B3GALT1: variants seen among roughly 807,000 people sequenced by gnomAD.
B3GALT1 encodes UDP-Gal:betaGlcNAc beta 1,3-galactosyltransferase, polypeptide 1.
B3GALT1 carries 10 observed loss-of-function variants against 23.2 expected under a neutral mutation model. The observed-to-expected ratio is 0.43, with a 90% CI of 0.27 to 0.73. The LOEUF (loss-of-function observed/expected upper bound fraction) is 0.73, where lower values mean the gene tolerates loss of function less well. B3GALT1 is among the 30% of genes least tolerant of loss of function. B3GALT1 has a pLI of 0.21. For synonymous variants in B3GALT1, 156 were observed against 141.5 expected, an observed-to-expected ratio of 1.10 and a Z score of -0.73; for missense variants, 299 against 405.4, an observed-to-expected ratio of 0.74 and a Z score of 2.25.
At chr2:167,762,952 A>C (rs16854131) in intron 3 of B3GALT1, among the ~76,000 whole-genome samples, 36,928 of 152,110 alleles carry the variant, frequency 0.24, 4,730 homozygotes, top group African/African-American at 0.3. Context: ...ATTCTGAAAC[A>C]GTTACCATTA....
In B3GALT1 at chr2:167,452,696, G is replaced by A. The variant is rs890006521; in HGVS notation, c.-510-37481G>A. The stretch of plus-strand genomic sequence containing the variant: ...TGCTCTGTTCATCCGAGTGGGAGCT[G>A]CCATTTAGTCCTGCCTTGTATCCAT... On this transcript the variant is annotated intron_variant, in intron 1 of 4. Coordinates refer to ENST00000392690, the MANE Select transcript of B3GALT1 (RefSeq NM_020981.4). Among the ~76,000 whole-genome samples the A allele has an allele frequency of 1.1e-4, 16 of 152,156 alleles. No individual in the cohort carries two copies. The South Asian group carries it at 2.5e-3, about 24-fold the overall frequency.
At position 167,363,165 on chromosome 2, in the gene B3GALT1, T is replaced by A. The variant is rs533175107; in HGVS notation, c.-511+69831T>A. On this transcript the variant is annotated intron_variant, in intron 1 of 4. Coordinates refer to ENST00000392690, the MANE Select transcript of B3GALT1 (RefSeq NM_020981.4). The stretch of plus-strand genomic sequence containing the variant: ...CCACCACGCCCGGCCTAAGGCTTTG[T>A]TTTCTTATTGTCTAGTATGCCAACT... 3.7e-3 allele frequency among the ~76,000 whole-genome samples: 561 copies of A among 151,708 alleles called. 1 individual carries two copies. Among genetic ancestry groups the A allele is most frequent in the Admixed American group, 6.5e-3 (98 of 15,178 alleles).
chr2:167,853,808 T>C (rs1297828865), intron 4 of B3GALT1, among the ~76,000 whole-genome samples: 1 of 152,136 alleles, frequency 6.6e-6, no homozygotes, highest in African/African-American at 2.4e-5. Flanking sequence ...TATGGTGGCC[T>C]ACTTTAAAAT....
chr2:167,701,337 G>A (rs1686879487), intron 3 of B3GALT1, among the ~76,000 whole-genome samples: 1 of 152,124 alleles, frequency 6.6e-6, no homozygotes. Flanking sequence ...AAGAGTCTTG[G>A]TGCTAGGTGT....
intron 2 of B3GALT1, among the ~76,000 whole-genome samples, chr2:167,510,669 T>G (rs997232262): frequency 6.6e-6 from 1 of 152,074 alleles, no homozygotes; most frequent in Admixed American, 6.6e-5. Context: ...GGTTTTCACC[T>G]GAAAAACAAG....
At chr2:167,644,262 C>G (rs1685705409) in intron 2 of B3GALT1, among the ~76,000 whole-genome samples, 1 of 152,016 alleles carries the variant, frequency 6.6e-6, no homozygotes, top group Non-Finnish European at 1.5e-5. Context: ...ATGTGTTTAA[C>G]TAAGGTGTTC....
At chr2:167,810,245 C>G (rs569066771) in intron 3 of B3GALT1, among the ~76,000 whole-genome samples, 1 of 151,018 alleles carries the variant, frequency 6.6e-6, no homozygotes, top group African/African-American at 2.5e-5. Context: ...GGTGATGCCT[C>G]GCCCTGCTTC....
intron 3 of B3GALT1, among the ~76,000 whole-genome samples, chr2:167,746,551 T>C (rs1239783184): frequency 6.6e-6 from 1 of 152,250 alleles, no homozygotes; most frequent in Non-Finnish European, 1.5e-5. Flanking sequence ...TCTTTTGCTG[T>C]TGAACAAATT....
At chr2:167,628,619 G>C (rs1426221241) in intron 2 of B3GALT1, among the ~76,000 whole-genome samples, 1 of 151,798 alleles carries the variant, frequency 6.6e-6, no homozygotes, top group Non-Finnish European at 1.5e-5. Context: ...TAAATCAGTG[G>C]TCTGAGTATA....
At chr2:167,718,738 A>G (rs980230459) in intron 3 of B3GALT1, among the ~76,000 whole-genome samples, 29 of 144,384 alleles carry the variant, frequency 2.0e-4, no homozygotes, top group Non-Finnish European at 3.8e-4. Flanking sequence ...ATGGTCATCA[A>G]CTGGGTCAGG....
At chr2:167,660,635 A>G (rs1252433671) in intron 3 of B3GALT1, among the ~76,000 whole-genome samples, 2 of 152,112 alleles carry the variant, frequency 1.3e-5, no homozygotes, top group Non-Finnish European at 2.9e-5. Context: ...AAGGGTCTGG[A>G]ACCTCCTTTC....
chr2:167,388,320 C>G (rs777150440), intron 1 of B3GALT1, among the ~76,000 whole-genome samples: 1 of 152,166 alleles, frequency 6.6e-6, no homozygotes, highest in Non-Finnish European at 1.5e-5. Flanking sequence ...AGGGAAGAAT[C>G]TGGCCTTAAA....
chr2:167,825,448 G>GTGTGTA lies in B3GALT1; in HGVS notation c.-230+6660_-230+6661insATGTGT, dbSNP rs1453486485. On this transcript the variant is annotated intron_variant, in intron 4 of 4. Coordinates refer to ENST00000392690, the MANE Select transcript of B3GALT1 (RefSeq NM_020981.4). Reference sequence around the variant, plus strand: ...AAGATATATGCAGGGGTGTGTGTGTGTGTGTGTGCGTGCACGTGTGTGTGT... The same window carrying GTGTGTA: ...AAGATATATGCAGGGGTGTGTGTGTGTGTGTATGTGTGTGCGTGCACGTGTGTGTGT... Among the ~76,000 whole-genome samples, 45 of 146,904 alleles carry GTGTGTA rather than the reference G, an allele frequency of 3.1e-4. No homozygotes were observed. In the East Asian group the frequency reaches 8.6e-3, roughly 28 times the overall value.
At chr2:167,868,267 G>T (rs950592213) in intron 4 of B3GALT1, among the ~76,000 whole-genome samples, 1 of 152,204 alleles carries the variant, frequency 6.6e-6, no homozygotes, top group Non-Finnish European at 1.5e-5. Context: ...TTACTTCTAA[G>T]TCTGAACCAA....
chr2:167,817,767 CAGTT>C (rs145765610), intron 3 of B3GALT1, among the ~76,000 whole-genome samples: 3,126 of 152,264 alleles, frequency 0.021, 113 homozygotes, highest in African/African-American at 0.071. Flanking sequence ...TATACATGAA[CAGTT>C]AGTTAGAATA....
At chr2:167,829,506 G>GAAGA (rs759731054) in intron 4 of B3GALT1, among the ~76,000 whole-genome samples, 1 of 150,628 alleles carries the variant, frequency 6.6e-6, no homozygotes, top group Non-Finnish European at 1.5e-5. Flanking sequence ...AAGAAAAGAA[G>GAAGA]AAGAAAGAAA....
intron 2 of B3GALT1, among the ~76,000 whole-genome samples, chr2:167,594,216 C>A (rs1393938272): frequency 1.3e-5 from 2 of 151,050 alleles, no homozygotes; most frequent in African/African-American, 4.9e-5. Context: ...AAGTCACAGA[C>A]TTAGCTCCAT....
intron 4 of B3GALT1, among the ~76,000 whole-genome samples, chr2:167,841,353 C>T (rs1019119134): frequency 6.6e-6 from 1 of 152,100 alleles, no homozygotes; most frequent in East Asian, 1.9e-4. Flanking sequence ...CTTTCTGGTT[C>T]CTCAGATCTG....
chr2:167,377,417 T>C (rs2105273751), intron 1 of B3GALT1, among the ~76,000 whole-genome samples: 1 of 152,278 alleles, frequency 6.6e-6, no homozygotes, highest in East Asian at 1.9e-4. Flanking sequence ...TGTCTACTGG[T>C]GTCATTGGGG....
Sources: allele counts gnomAD v4.1 joint callset (sites outside exome capture counted in the v4.1 genomes callset), GRCh38; gene constraint gnomAD v4.1.1; transcripts MANE v1.5; gene names NCBI Gene and HGNC (gene_info 2026-07-23, HGNC 2026-07-21).